CDHR2: variants seen among roughly 807,000 people sequenced by gnomAD.
CDHR2 encodes cadherin-related family member 2.
CDHR2 carries 104 observed loss-of-function variants against 138.6 expected under a neutral mutation model. The observed-to-expected ratio is 0.75, with a 90% CI of 0.64 to 0.88. The LOEUF is 0.88. Ranked by LOEUF, CDHR2 falls within the 40% of genes least tolerant of loss-of-function variation. The pLI is 0.00. For synonymous variants in CDHR2, 755 were observed against 742.8 expected (o/e 1.02, Z -0.27); for missense variants, 1,624 against 1,727.6 (o/e 0.94, Z 1.06).
At chr5:176,560,851 A>G (rs1251855760) in intron 1 of CDHR2, among the ~76,000 whole-genome samples, 2 of 152,230 alleles carry the variant, frequency 1.3e-5, no homozygotes, top group African/African-American at 4.8e-5. Context: ...TTTCCCCAGC[A>G]GGTCTGTGGG....
At position 176,577,679 on chromosome 5, in the gene CDHR2, A is replaced by C. The variant is rs34767982; in HGVS notation, c.1393A>C (p.Met465Leu). 27,697 of 1,614,196 alleles carry C rather than the reference A, an allele frequency of 0.017. 356 individuals carry two copies. The highest frequency in any genetic ancestry group is 0.032 in the African/African-American group (2,435 of 75,048). Reference protein sequence around the residue: ...DSVSQNFSVAMVTIHLRDIND... With the variant: ...DSVSQNFSVALVTIHLRDIND... ...CGTCAGCCAGAACTTCTCCGTCGCC[A>C]TGGTGACCATCCACCTTAGAGACAT... The change falls in exon 14 of 32, where the codon ATG (methionine) becomes CTG (leucine). Residue 465 changes from methionine (M) to leucine (L), a missense_variant. Physicochemically the swap from Met to Leu is conservative, Grantham distance 15. Coordinates refer to ENST00000261944, the MANE Select transcript of CDHR2 (RefSeq NM_017675.6).
intron 1 of CDHR2, among the ~76,000 whole-genome samples, chr5:176,563,177 G>C (rs1020081286): frequency 6.6e-6 from 1 of 152,086 alleles, no homozygotes; most frequent in Non-Finnish European, 1.5e-5. Flanking sequence ...GTGAAACCCC[G>C]TCTCCACTAA....
intron 1 of CDHR2, among the ~76,000 whole-genome samples, 168 bp downstream of exon 1, chr5:176,549,582 G>A (rs754907444): frequency 1.3e-5 from 2 of 152,212 alleles, no homozygotes; most frequent in African/African-American, 2.4e-5. Context: ...CCAGCCTGCT[G>A]TGAGGCCTGT....
At chr5:176,546,269 T>C (rs1431668765), upstream of CDHR2, among the ~76,000 whole-genome samples, 1 of 152,170 alleles carries the variant, frequency 6.6e-6, no homozygotes, top group East Asian at 1.9e-4. Context: ...CTTTCTGTAA[T>C]CTCGGGTGGT....
chr5:176,548,399 T>C (rs1757630270), upstream of CDHR2, among the ~76,000 whole-genome samples: 1 of 152,216 alleles, frequency 6.6e-6, no homozygotes, highest in Admixed American at 6.5e-5. Context: ...TAAGAAGGAC[T>C]TGTGGCTGAG....
At chr5:176,565,787 C>G (rs1212792790) in intron 3 of CDHR2, 44 bp downstream of exon 3, 1 of 1,539,794 alleles carries the variant, frequency 6.5e-7, no homozygotes. Context: ...GGTCCTGACC[C>G]ACAGGAAAGT....
At chr5:176,552,050 C>T (rs566472591) in intron 1 of CDHR2, among the ~76,000 whole-genome samples, 1 of 152,294 alleles carries the variant, frequency 6.6e-6, no homozygotes, top group South Asian at 2.1e-4. Flanking sequence ...GAGAAAAGAG[C>T]CCAGGGGTAC....
chr5:176,544,120 C>T (rs1757526027), intron 1 of CDHR2, among the ~76,000 whole-genome samples: 1 of 152,240 alleles, frequency 6.6e-6, no homozygotes, highest in Non-Finnish European at 1.5e-5. Context: ...ACAACCAGGT[C>T]GTCTGCTTAG....
At chr5:176,571,085 G>GGAGAGAAA in intron 5 of CDHR2, 128 bp from the exon 6 acceptor site, 1 of 319,512 alleles carries the variant, frequency 3.1e-6, no homozygotes. Context: ...AAAAACATAT[G>GGAGAGAAA]GAGAGAAAGA....
rs1758811494 is a variant in CDHR2 at position 176,590,325 on chromosome 5, G to A, written c.3348G>A (p.Leu1116=). The A allele has an allele frequency of 6.2e-7, 1 of 1,614,190 alleles. No individual in the cohort carries two copies. The highest frequency in any genetic ancestry group is 8.5e-7 in the Non-Finnish European group (1 of 1,180,032). Residue 1116 remains leucine (L), a synonymous_variant, in exon 26 of 32, where the codon CTG becomes CTA. Transcript: ENST00000261944. Reference sequence around the variant, plus strand: ...GGTCAGCCCTGACCCTTGATGAGCTGAGTGTGTGAGTGGGGCTGCCCTTGG... The same window carrying A: ...GGTCAGCCCTGACCCTTGATGAGCTAAGTGTGTGAGTGGGGCTGCCCTTGG... ...PNGSALTLDE[L]SVMIRNDQDS...
intron 1 of CDHR2, among the ~76,000 whole-genome samples, chr5:176,551,260 T>G (rs1757697794): frequency 6.6e-6 from 1 of 151,806 alleles, no homozygotes. Flanking sequence ...CTCTGCCTCC[T>G]TGGTTCAAGT....
intron 1 of CDHR2, 181 bp from the exon 2 acceptor site, chr5:176,565,157 C>G (rs1013187865): frequency 1.7e-6 from 1 of 594,912 alleles, no homozygotes; most frequent in East Asian, 2.8e-5. Context: ...CCCACCTGGC[C>G]TCCCCCTTGG....
chr5:176,551,263 G>A (rs1362007529), intron 1 of CDHR2, among the ~76,000 whole-genome samples: 1 of 152,078 alleles, frequency 6.6e-6, no homozygotes. Flanking sequence ...TGCCTCCTTG[G>A]TTCAAGTGAT....
intron 1 of CDHR2, among the ~76,000 whole-genome samples, chr5:176,551,270 T>A (rs1757698049): frequency 6.6e-6 from 1 of 151,748 alleles, no homozygotes; most frequent in Admixed American, 6.6e-5. Flanking sequence ...TTGGTTCAAG[T>A]GATTCTCCTG....
chr5:176,586,603 C>T (rs1463707092), intron 20 of CDHR2, 190 bp from the exon 21 acceptor site: 2 of 595,822 alleles, frequency 3.4e-6, no homozygotes, highest in Admixed American at 2.8e-5. Flanking sequence ...CCTGTGACCT[C>T]ACCTGTGACA....
At chr5:176,556,523 G>C (rs767540435) in intron 1 of CDHR2, among the ~76,000 whole-genome samples, 1 of 152,144 alleles carries the variant, frequency 6.6e-6, no homozygotes, top group African/African-American at 2.4e-5. Context: ...AAATTAGCCG[G>C]GTGTGGTGGC....
intron 17 of CDHR2, among the ~76,000 whole-genome samples, chr5:176,583,317 G>A (rs892686117): frequency 6.6e-6 from 1 of 152,220 alleles, no homozygotes; most frequent in African/African-American, 2.4e-5. Context: ...CTGTGAGTTA[G>A]GGTGACCTTG....
intron 30 of CDHR2, among the ~76,000 whole-genome samples, chr5:176,591,924 T>G (rs866838036): frequency 8.9e-4 from 123 of 138,924 alleles, no homozygotes; most frequent in African/African-American, 1.2e-3. Flanking sequence ...TGGTGATGGT[T>G]GTGATGGTGA....
chr5:176,560,790 C>G (rs538953012), intron 1 of CDHR2, among the ~76,000 whole-genome samples: 3 of 152,330 alleles, frequency 2.0e-5, no homozygotes, highest in East Asian at 3.9e-4. Flanking sequence ...ATTAGGTGCT[C>G]AGGAAACGCC....
Sources: allele counts gnomAD v4.1 joint callset (sites outside exome capture counted in the v4.1 genomes callset), GRCh38; gene constraint gnomAD v4.1.1; transcripts MANE v1.5; gene names NCBI Gene and HGNC (gene_info 2026-07-23, HGNC 2026-07-21).